SESTD1: variants seen among roughly 807,000 people sequenced by gnomAD.
The protein encoded by SESTD1 is SEC14 domain and spectrin repeat-containing protein 1.
A neutral mutation model predicts 101.7 loss-of-function variants in SESTD1; 43 were observed. That is an observed-to-expected ratio of 0.42 (90% CI 0.33 to 0.55). The LOEUF (loss-of-function observed/expected upper bound fraction) is 0.55, where lower values mean the gene tolerates loss of function less well. Ranked by LOEUF, SESTD1 falls within the 20% of genes least tolerant of loss-of-function variation. The pLI is 0.07. For missense variants in SESTD1, 647 were observed against 815.1 expected (o/e 0.79, Z 2.51); for synonymous variants, 283 against 286.8 (o/e 0.99, Z 0.13).
At chr2:179,180,488 C>G (rs971767164) in intron 3 of SESTD1, among the ~76,000 whole-genome samples, 6 of 152,000 alleles carry the variant, frequency 3.9e-5, no homozygotes, top group African/African-American at 7.3e-5. Context: ...TGTAGATACA[C>G]CAGAAATGAA....
At chr2:179,201,511 T>A (rs1438554366) in intron 1 of SESTD1, among the ~76,000 whole-genome samples, 1 of 133,334 alleles carries the variant, frequency 7.5e-6, no homozygotes, top group East Asian at 2.0e-4. Context: ...TAGCAAAGGC[T>A]TGGAACCAAC....
At chr2:179,111,425 C>G (rs949056323) in intron 17 of SESTD1, among the ~76,000 whole-genome samples, 1 of 151,914 alleles carries the variant, frequency 6.6e-6, no homozygotes, top group Non-Finnish European at 1.5e-5. Flanking sequence ...ATTCCCACAC[C>G]CCCATAACCT....
At chr2:179,156,913 G>C (rs1423456726) in intron 5 of SESTD1, among the ~76,000 whole-genome samples, 2 of 152,108 alleles carry the variant, frequency 1.3e-5, no homozygotes, top group Admixed American at 1.3e-4. Flanking sequence ...ATGTCTAAAA[G>C]GGTTTTTCCA....
intron 2 of SESTD1, among the ~76,000 whole-genome samples, chr2:179,183,430 A>G (rs1391912240): frequency 6.6e-6 from 1 of 152,296 alleles, no homozygotes; most frequent in Non-Finnish European, 1.5e-5. Flanking sequence ...ATATCACTTT[A>G]TTTAAATTTC....
intron 7 of SESTD1, among the ~76,000 whole-genome samples, chr2:179,147,955 G>T (rs975231495): frequency 1.3e-5 from 2 of 152,146 alleles, no homozygotes; most frequent in Non-Finnish European, 2.9e-5. Context: ...GCATATATGT[G>T]TGTGATATCT....
chr2:179,176,873 G>C lies in SESTD1; in HGVS notation c.165-335C>G, dbSNP rs1284221354. On this transcript the variant is annotated intron_variant, in intron 3 of 17. Transcript: ENST00000428443. ...TCTCAATTTCTTCGTCTGTAAAATG[G>C]GATCACAGTGAAGTAAGTTACTAAT... is the stretch of plus-strand genomic sequence containing the variant. Among the ~76,000 whole-genome samples, 4 of 152,258 alleles carry C rather than the reference G, an allele frequency of 2.6e-5. No homozygotes were observed. In the South Asian group the frequency reaches 8.3e-4, roughly 32 times the overall value.
Position 179,149,339 on chromosome 2 carries a change from A to T in SESTD1, c.539T>A (p.Ile180Asn). ...ATTTCCTTTATCACTTCCATTGTTA[A>T]TCAAAGCAAGTTCATCTAATAATGA... is the stretch of plus-strand genomic sequence containing the variant. The part of the protein sequence containing the change: ...STSLLDELAL[I>N]NNGSDKGNQQ... The change falls in exon 7 of 18, where the codon ATT becomes AAT. Residue 180 changes from isoleucine (I) to asparagine (N), a missense_variant. Ile to Asn is a moderately radical substitution (Grantham distance 149, BLOSUM62 -3). This residue lies in a region of SESTD1 where 168 missense variants were observed against 235.1 expected (regional missense o/e 0.71). Transcript: ENST00000428443. The T allele has an allele frequency of 6.2e-7, 1 of 1,610,722 alleles. No individual in the cohort carries two copies. The highest frequency in any genetic ancestry group is 1.1e-5 in the South Asian group (1 of 90,110).
intron 5 of SESTD1, among the ~76,000 whole-genome samples, chr2:179,156,050 C>T (rs910785372): frequency 3.9e-5 from 6 of 152,014 alleles, no homozygotes; most frequent in African/African-American, 9.7e-5. Context: ...TCATGCAGGT[C>T]GCTGTGAATG....
At chr2:179,216,971 T>C (rs1262327263) in intron 1 of SESTD1, among the ~76,000 whole-genome samples, 4 of 150,932 alleles carry the variant, frequency 2.7e-5, no homozygotes, top group South Asian at 4.2e-4. Context: ...AAACCTTATA[T>C]AAAAATTAAT....
chr2:179,151,029 C>T lies in SESTD1; in HGVS notation c.483+249G>A, dbSNP rs538703975. On this transcript the variant is annotated intron_variant, in intron 6 of 17. Transcript: ENST00000428443. ...AGGTACTATTACTATCACCATATTA[C>T]AGATGTGGGAATCAGGCCAAGGCAA... Among the ~76,000 whole-genome samples the T allele has an allele frequency of 2.0e-5, 3 of 152,252 alleles. No individual in the cohort carries two copies. In the East Asian group the frequency reaches 5.8e-4, roughly 29 times the overall value.
At chr2:179,222,231 G>C (rs2105528038) in intron 1 of SESTD1, among the ~76,000 whole-genome samples, 1 of 152,186 alleles carries the variant, frequency 6.6e-6, no homozygotes, top group Non-Finnish European at 1.5e-5. Context: ...ATAAAGTTTA[G>C]TGCAGTGGCA....
chr2:179,197,562 A>G (rs2105504229), intron 1 of SESTD1, among the ~76,000 whole-genome samples: 1 of 152,364 alleles, frequency 6.6e-6, no homozygotes, highest in Non-Finnish European at 1.5e-5. Flanking sequence ...CCAGAGAGAA[A>G]GGTCGGGTTA....
At chr2:179,141,826 G>A (rs1380618333) in intron 9 of SESTD1, among the ~76,000 whole-genome samples, 1 of 152,072 alleles carries the variant, frequency 6.6e-6, no homozygotes, top group Non-Finnish European at 1.5e-5. Context: ...ATAAGCTAAT[G>A]GGCTAAAACT....
intron 1 of SESTD1, among the ~76,000 whole-genome samples, chr2:179,202,387 A>G (rs74943356): frequency 0.076 from 10,246 of 134,000 alleles, 2,277 homozygotes; most frequent in South Asian, 0.19. Context: ...CATTAGCATA[A>G]TATTTTAATG....
At chr2:179,164,596 A>G (rs1255551431) in intron 5 of SESTD1, among the ~76,000 whole-genome samples, 2 of 152,198 alleles carry the variant, frequency 1.3e-5, no homozygotes, top group Non-Finnish European at 2.9e-5. Flanking sequence ...CTGAGTTGCT[A>G]AAAAGGAAAA....
chr2:179,151,391 C>A lies in SESTD1; in HGVS notation c.370G>T (p.Val124Phe). 2 of 1,586,168 alleles carry A rather than the reference C, an allele frequency of 1.3e-6. No individual in the cohort carries two copies. Among genetic ancestry groups the A allele is most frequent in the South Asian group, 1.2e-5 (1 of 84,646 alleles). Residue 124 changes from valine to phenylalanine, a missense_variant and splice_region_variant, in exon 6 of 18, where the codon GTT becomes TTT. Around this residue, in one of 3 missense-constraint regions of SESTD1, gnomAD observed 168 missense variants for 235.1 expected, o/e 0.71. Transcript: ENST00000428443. Reference protein sequence around the residue: ...WKEKDRLGFEVILVSANKLTR... With the variant: ...WKEKDRLGFEFILVSANKLTR... ...AATTTGTTGGCGGACACTAAAATAA[C>A]CTATAAAAAGGTTAAAAGAAAAGAA...
intron 1 of SESTD1, among the ~76,000 whole-genome samples, chr2:179,245,448 G>GGA (rs2047215284): frequency 6.7e-6 from 1 of 150,078 alleles, no homozygotes; most frequent in Admixed American, 6.6e-5. Flanking sequence ...CCCGGGAGAG[G>GGA]GAGGTTGCAG....
chr2:179,172,315 G>T, intron 4 of SESTD1, 82 bp from the exon 5 acceptor site: 1 of 891,084 alleles, frequency 1.1e-6, no homozygotes, highest in Non-Finnish European at 1.7e-6. Flanking sequence ...AGACAGTCAA[G>T]ATTATGCTAC....
At chr2:179,254,790 C>T (rs924679887) in intron 1 of SESTD1, among the ~76,000 whole-genome samples, 7 of 152,180 alleles carry the variant, frequency 4.6e-5, no homozygotes, top group Non-Finnish European at 8.8e-5. Flanking sequence ...CACTTTAATA[C>T]ACTTTATTGT....
Sources: allele counts gnomAD v4.1 joint callset (sites outside exome capture counted in the v4.1 genomes callset), GRCh38; gene constraint gnomAD v4.1.1; regional missense constraint gnomAD v4.1.1; transcripts MANE v1.5; gene names NCBI Gene and HGNC (gene_info 2026-07-23, HGNC 2026-07-21).